NEK11: variants seen among roughly 807,000 people sequenced by gnomAD.
NEK11 encodes the protein serine/threonine-protein kinase Nek11.
Under a neutral mutation model 80.7 loss-of-function variants are expected in NEK11, and 72 were observed. The ratio of observed to expected loss-of-function variants is 0.89; its 90% CI spans 0.74 to 1.08. The LOEUF (loss-of-function observed/expected upper bound fraction) is 1.08. Among genes scored for constraint, NEK11 ranks in the 50% least tolerant of loss-of-function variants. The pLI is 0.00. For synonymous variants in NEK11, 251 were observed against 260.7 expected (o/e 0.96, Z 0.36); for missense variants, 764 against 763.6 (o/e 1.00, Z -0.01).
chr3:131,094,548 A>G (rs1389120660), intron 4 of NEK11, among the ~76,000 whole-genome samples: 1 of 152,170 alleles, frequency 6.6e-6, no homozygotes, highest in Non-Finnish European at 1.5e-5. Flanking sequence ...AACTTATTTA[A>G]CTGCTTTATA....
chr3:131,187,544 T>C (rs1166674582), intron 14 of NEK11, among the ~76,000 whole-genome samples: 1 of 152,196 alleles, frequency 6.6e-6, no homozygotes, highest in East Asian at 1.9e-4. Context: ...TGTCAATAAC[T>C]CTTCTCCTTT....
chr3:131,321,375 G>A lies in NEK11; in HGVS notation c.1719-28182G>A, dbSNP rs1216687087. On this transcript the variant is annotated intron_variant, in intron 17 of 17. Transcript: ENST00000383366. ...CTAAAGATGGATTAAAGATTTAAAT[G>A]TAAGACCTCAAACTGTAAGAATTCT... 3.9e-5 allele frequency among the ~76,000 whole-genome samples: 6 copies of A among 152,156 alleles called. No individual in the cohort carries two copies. In the South Asian group the frequency reaches 1.2e-3, roughly 31 times the overall value.
At chr3:131,236,498 G>T (rs2095433407) in intron 15 of NEK11, among the ~76,000 whole-genome samples, 1 of 152,162 alleles carries the variant, frequency 6.6e-6, no homozygotes, top group South Asian at 2.1e-4. Flanking sequence ...GACTTGCCGA[G>T]AACCTGGGCA....
At chr3:131,046,115 T>C (rs1407449643) in intron 3 of NEK11, among the ~76,000 whole-genome samples, 1 of 152,232 alleles carries the variant, frequency 6.6e-6, no homozygotes, top group Non-Finnish European at 1.5e-5. Context: ...TCAACATTAA[T>C]ATTGAGATAC....
intron 3 of NEK11, among the ~76,000 whole-genome samples, chr3:131,038,378 A>G (rs1560120717): frequency 1.3e-5 from 2 of 152,214 alleles, no homozygotes; most frequent in Non-Finnish European, 2.9e-5. Context: ...TACTTTGATT[A>G]GTTTCAATCA....
intron 14 of NEK11, among the ~76,000 whole-genome samples, chr3:131,196,419 T>C (rs1350259974): frequency 1.3e-5 from 2 of 152,208 alleles, no homozygotes; most frequent in African/African-American, 2.4e-5. Flanking sequence ...AAAGAAGATA[T>C]TGAAGAATAA....
chr3:131,200,158 C>G (rs1487131345), intron 14 of NEK11, among the ~76,000 whole-genome samples: 1 of 152,094 alleles, frequency 6.6e-6, no homozygotes, highest in Non-Finnish European at 1.5e-5. Context: ...AAACTAATTG[C>G]TAATCTAAAT....
rs1315796989 is a variant in NEK11 at position 131,287,837 on chromosome 3, T to G, written c.1718+14263T>G. On this transcript the variant is annotated intron_variant, in intron 17 of 17. Coordinates refer to ENST00000383366, the MANE Select transcript of NEK11 (RefSeq NM_024800.5). ...ACGCTATTATACCAGTAATATTATG[T>G]AAGGAAGGCTGAGATTTTGGTTTGC... Among the ~76,000 whole-genome samples the G allele has an allele frequency of 3.3e-5, 5 of 152,308 alleles. No individual in the cohort carries two copies. The East Asian group carries it at 5.8e-4, about 18-fold the overall frequency.
In NEK11 at chr3:131,173,009, G is replaced by A. The variant is rs921829589; in HGVS notation, c.1399+2122G>A. ...TACACATGCCATGATGACATGGGAAGTTACCTTATATGGTCTAAAAGTAGG... is the reference window on the plus strand; with the variant it reads ...TACACATGCCATGATGACATGGGAAATTACCTTATATGGTCTAAAAGTAGG... On this transcript the variant is annotated intron_variant, in intron 14 of 17. Coordinates refer to ENST00000383366, the MANE Select transcript of NEK11 (RefSeq NM_024800.5). Among the ~76,000 whole-genome samples, 8 of 152,314 alleles carry A rather than the reference G, an allele frequency of 5.3e-5. No individual in the cohort carries two copies. In the East Asian group the frequency reaches 5.8e-4, roughly 11 times the overall value.
chr3:131,028,602 T>A (rs2064262140), intron 2 of NEK11, among the ~76,000 whole-genome samples: 1 of 152,128 alleles, frequency 6.6e-6, no homozygotes, highest in South Asian at 2.1e-4. Context: ...AGTCTTACTC[T>A]GTCGCCCAGG....
intron 17 of NEK11, among the ~76,000 whole-genome samples, chr3:131,335,160 C>A (rs1006957116): frequency 6.6e-6 from 1 of 152,118 alleles, no homozygotes; most frequent in African/African-American, 2.4e-5. Flanking sequence ...GGCAGAGACA[C>A]AACCAAAAAA....
intron 7 of NEK11, among the ~76,000 whole-genome samples, chr3:131,150,201 T>G (rs138795470): frequency 6.6e-6 from 1 of 152,194 alleles, no homozygotes; most frequent in East Asian, 1.9e-4. Flanking sequence ...CTTTGAAGAT[T>G]TCAGTCCTTA....
chr3:131,068,024 G>T (rs2072379639), intron 3 of NEK11, among the ~76,000 whole-genome samples: 1 of 152,168 alleles, frequency 6.6e-6, no homozygotes, highest in Non-Finnish European at 1.5e-5. Flanking sequence ...AGCTGGACTA[G>T]CAGCTGTTCC....
At chr3:131,076,155 T>G (rs1493369) in intron 3 of NEK11, among the ~76,000 whole-genome samples, 138,317 of 152,120 alleles carry the variant, frequency 0.91, 63,418 homozygotes, top group Non-Finnish European at 0.95. Flanking sequence ...TATCTCTCCA[T>G]GGGAGGCAAG....
At chr3:131,285,545 G>A (rs1288114387) in intron 17 of NEK11, among the ~76,000 whole-genome samples, 1 of 152,200 alleles carries the variant, frequency 6.6e-6, no homozygotes, top group African/African-American at 2.4e-5. Flanking sequence ...CTCCAAGTAG[G>A]TGGAGAATAA....
At chr3:131,144,593 C>T (rs1401738003) in intron 7 of NEK11, among the ~76,000 whole-genome samples, 1 of 152,108 alleles carries the variant, frequency 6.6e-6, no homozygotes, top group Non-Finnish European at 1.5e-5. Context: ...TTTAACAAAA[C>T]CTCTAAGTGA....
intron 14 of NEK11, among the ~76,000 whole-genome samples, chr3:131,190,474 G>A (rs1288634552): frequency 1.3e-5 from 2 of 152,132 alleles, no homozygotes; most frequent in East Asian, 1.9e-4. Context: ...TTAAAAGAGT[G>A]TAGCTTCTTC....
chr3:131,203,957 C>T (rs1020186288), intron 14 of NEK11, among the ~76,000 whole-genome samples: 16 of 151,628 alleles, frequency 1.1e-4, no homozygotes, highest in African/African-American at 3.6e-4. Flanking sequence ...GATTGTGAGT[C>T]ATAAGACCTT....
intron 17 of NEK11, among the ~76,000 whole-genome samples, chr3:131,322,254 C>T (rs926232256): frequency 2.0e-5 from 3 of 152,068 alleles, no homozygotes; most frequent in Non-Finnish European, 4.4e-5. Context: ...AACCAGATAC[C>T]ACATGTTGTC....
Sources: allele counts gnomAD v4.1 joint callset (sites outside exome capture counted in the v4.1 genomes callset), GRCh38; gene constraint gnomAD v4.1.1; transcripts MANE v1.5; gene names NCBI Gene and HGNC (gene_info 2026-07-23, HGNC 2026-07-21).